MYH7B: variants seen among roughly 807,000 people sequenced by gnomAD.
MYH7B encodes myosin heavy chain 7B, also known as myosin-7B.
A neutral mutation model predicts 234.5 loss-of-function variants in MYH7B; 205 were observed. That is an observed-to-expected ratio of 0.87 (90% confidence interval 0.78 to 0.98). The LOEUF is 0.98. Ranked by LOEUF, MYH7B falls within the 50% of genes least tolerant of loss-of-function variation. The probability of loss-of-function intolerance (pLI) is 0.00; values close to 1 mark genes in which losing one functional copy is unlikely to be tolerated. For synonymous variants in MYH7B, 1,193 were observed against 1,105.0 expected (o/e 1.08, Z -1.58); for missense variants, 2,652 against 2,633.4 (o/e 1.01, Z -0.15).
At chr20:34,967,968 C>T (rs2081758595) in intron 2 of MYH7B, among the ~76,000 whole-genome samples, 1 of 152,256 alleles carries the variant, frequency 6.6e-6, no homozygotes, top group South Asian at 2.1e-4. Context: ...ATTCCACCTA[C>T]AGAGTGGCAG....
At chr20:34,965,909 G>T (rs2081737436) in intron 2 of MYH7B, among the ~76,000 whole-genome samples, 1 of 152,220 alleles carries the variant, frequency 6.6e-6, no homozygotes, top group Non-Finnish European at 1.5e-5. Context: ...GGGCTGGTCA[G>T]TTGGCAGGGC....
chr20:34,993,377 G>A lies in MYH7B; in HGVS notation c.2351G>A (p.Arg784His), dbSNP rs187028260. Reference sequence around the variant, plus strand: ...CTTCTAGGCGTCCTGGAAGAGCTCCGTGACCAGCGCCTGGCCAAGGTGCTG... The same window carrying A: ...CTTCTAGGCGTCCTGGAAGAGCTCCATGACCAGCGCCTGGCCAAGGTGCTG... The change falls in exon 26 of 45, where the codon CGT becomes CAT. Residue 784 changes from arginine to histidine, a missense_variant. Coordinates refer to ENST00000262873, the Ensembl canonical transcript of MYH7B. 5,709 of 1,613,790 alleles carry A rather than the reference G, an allele frequency of 3.5e-3. 18 individuals are homozygous for A. The highest frequency in any genetic ancestry group is 4.1e-3 in the Non-Finnish European group (4,882 of 1,180,012).
chr20:35,002,060 G>C, exon 44 of MYH7B: 1 of 1,614,004 alleles, frequency 6.2e-7, no homozygotes. Flanking sequence ...CTGCGGGCAC[G>C]GACCCGGGAC....
chr20:35,000,533 C>T (rs772395740), exon 39 of MYH7B: 4 of 1,589,980 alleles, frequency 2.5e-6, no homozygotes, highest in South Asian at 1.1e-5. Flanking sequence ...CAGCTGAGCT[C>T]CACGAGCAGG....
At chr20:34,994,280 G>A (rs1474880368) in exon 27 of MYH7B, 16 of 1,612,506 alleles carry the variant, frequency 9.9e-6, no homozygotes, top group Middle Eastern at 1.6e-4. Flanking sequence ...GCGGCCCTGC[G>A]GGCAGAGCTG....
exon 3 of MYH7B, chr20:34,975,468 G>A (rs970016343): frequency 1.6e-5 from 11 of 709,586 alleles, no homozygotes; most frequent in Non-Finnish European, 2.6e-5. Context: ...GTCCGCCTGG[G>A]CCTCCCAAAG....
intron 5 of MYH7B, among the ~76,000 whole-genome samples, chr20:34,978,819 G>A (rs1324494516): frequency 3.3e-5 from 5 of 152,178 alleles, no homozygotes; most frequent in Non-Finnish European, 2.9e-5. Context: ...GTTCTAGATG[G>A]TCCTGACCCA....
chr20:34,973,774 T>G (rs1380190119), intron 2 of MYH7B, among the ~76,000 whole-genome samples: 1 of 152,192 alleles, frequency 6.6e-6, no homozygotes, highest in East Asian at 1.9e-4. Context: ...TTTTTGTTTT[T>G]TGAGAGGGAG....
intron 3 of MYH7B, 116 bp downstream of exon 3, chr20:34,975,615 C>A: frequency 1.6e-6 from 1 of 634,380 alleles, no homozygotes. Flanking sequence ...GAAATGTCTA[C>A]CGAGAGGGGA....
intron 1 of MYH7B, among the ~76,000 whole-genome samples, chr20:34,957,149 G>A (rs1007460323): frequency 6.6e-6 from 1 of 152,220 alleles, no homozygotes; most frequent in Non-Finnish European, 1.5e-5. Flanking sequence ...TAATGAGGAA[G>A]GGCCTGAGGG....
At chr20:34,988,321 G>A in intron 19 of MYH7B, 59 bp downstream of exon 19, 3 of 1,553,204 alleles carry the variant, frequency 1.9e-6, no homozygotes, top group South Asian at 1.2e-5. Context: ...GAGCAAGCAG[G>A]GATGGATGAC....
intron 1 of MYH7B, among the ~76,000 whole-genome samples, chr20:34,957,870 C>T (rs150702675): frequency 6.6e-6 from 1 of 152,168 alleles, no homozygotes; most frequent in Non-Finnish European, 1.5e-5. Context: ...TGTGTGGTCA[C>T]GGGATGGGGG....
At chr20:34,970,772 TAAAG>T (rs962419149) in intron 2 of MYH7B, among the ~76,000 whole-genome samples, 25 of 152,000 alleles carry the variant, frequency 1.6e-4, no homozygotes, top group African/African-American at 4.6e-4. Context: ...GCTCTAGAGA[TAAAG>T]AGTCAGAGGC....
rs573230732 is a variant in MYH7B, at chr20:34,998,282, C to T, written c.3748-13C>T. ...CTAACTCCTGACCCCTGACTCCCAA[C>T]CTGGGATCCTAGGCCAGTGCAGAGA... On this transcript the variant is annotated splice_polypyrimidine_tract_variant and intron_variant, in intron 32 of 44. Transcript: ENST00000262873. The T allele has an allele frequency of 4.3e-6, 7 of 1,613,254 alleles. No individual in the cohort carries two copies. Among genetic ancestry groups the T allele is most frequent in the African/African-American group, 1.3e-5 (1 of 75,052 alleles).
exon 15 of MYH7B, chr20:34,986,923 C>G: frequency 1.2e-6 from 2 of 1,614,148 alleles, no homozygotes; most frequent in Non-Finnish European, 1.7e-6. Context: ...ATGACTACCA[C>G]TTCTGCAGCC....
exon 38 of MYH7B, chr20:34,999,902 C>A (rs935174616): frequency 6.2e-7 from 1 of 1,613,302 alleles, no homozygotes; most frequent in East Asian, 2.2e-5. Context: ...GTGCGCTAAC[C>A]TGAGGTGTGT....
intron 28 of MYH7B, among the ~76,000 whole-genome samples, chr20:34,995,803 G>A (rs956793349): frequency 3.3e-5 from 5 of 152,380 alleles, no homozygotes; most frequent in South Asian, 2.1e-4. Context: ...CTGAGCACAC[G>A]CTCCTAGGCC....
intron 2 of MYH7B, among the ~76,000 whole-genome samples, chr20:34,975,163 C>T (rs1035290754): frequency 3.9e-5 from 6 of 152,048 alleles, no homozygotes; most frequent in Non-Finnish European, 5.9e-5. Context: ...AGGGATGGCC[C>T]GAAGGGGATA....
chr20:34,981,302 C>T, intron 9 of MYH7B: 1 of 472,948 alleles, frequency 2.1e-6, no homozygotes. Context: ...GACCACCAGC[C>T]CCACACCTCC....
Sources: gnomAD v4.1 joint callset for allele counts (sites outside exome capture counted in the v4.1 genomes callset) on GRCh38, gnomAD v4.1.1 for gene constraint, MANE v1.5 for transcripts, NCBI Gene and HGNC (gene_info 2026-07-23, HGNC 2026-07-21) for gene names.